Variants in CNTLN observed in about 807,000 individuals in gnomAD.
CNTLN encodes the protein centlein, centrosomal protein.
In CNTLN, 212 loss-of-function variants were observed where a neutral mutation model predicts 180.0. That is an observed-to-expected ratio of 1.18 (90% CI 1.05 to 1.32). The LOEUF is 1.32. Ranked by LOEUF, CNTLN falls within the 40% of genes most tolerant of loss-of-function variation. The pLI is 0.00. For synonymous variants in CNTLN, 722 were observed against 563.1 expected, an observed-to-expected ratio of 1.28 and a Z score of -3.99; for missense variants, 2,095 against 1,610.9, an observed-to-expected ratio of 1.30 and a Z score of -5.14.
chr9:17,463,070 C>G, intron 20 of CNTLN, 57 bp downstream of exon 20: 2 of 968,638 alleles, frequency 2.1e-6, no homozygotes, highest in Non-Finnish European at 1.6e-6. Flanking sequence ...GCAACCAGCT[C>G]TATTAAACGT....
intron 6 of CNTLN, among the ~76,000 whole-genome samples, chr9:17,284,102 A>C (rs1587484846): frequency 6.6e-6 from 1 of 151,572 alleles, no homozygotes; most frequent in African/African-American, 2.4e-5. Context: ...GCTCACTGCA[A>C]CCTCCACCTC....
intron 12 of CNTLN, among the ~76,000 whole-genome samples, chr9:17,346,167 G>A (rs972594350): frequency 6.6e-6 from 1 of 152,100 alleles, no homozygotes; most frequent in Non-Finnish European, 1.5e-5. Flanking sequence ...TTTTCGCATG[G>A]TGGCAGAGGA....
intron 15 of CNTLN, among the ~76,000 whole-genome samples, 169 bp from the exon 16 acceptor site, chr9:17,409,124 T>C (rs929084930): frequency 5.3e-5 from 8 of 152,196 alleles, no homozygotes; most frequent in African/African-American, 7.2e-5. Context: ...TTTTGTACAA[T>C]ATATTTAGAT....
chr9:17,196,146 C>T (rs1467861947), intron 2 of CNTLN, among the ~76,000 whole-genome samples: 1 of 152,124 alleles, frequency 6.6e-6, no homozygotes, highest in East Asian at 1.9e-4. Context: ...GGCTCAGCCT[C>T]CTAATTAGCT....
At chr9:17,334,096 G>A (rs1395103797) in intron 10 of CNTLN, among the ~76,000 whole-genome samples, 2 of 152,020 alleles carry the variant, frequency 1.3e-5, no homozygotes, top group Non-Finnish European at 2.9e-5. Flanking sequence ...GTCTTACTCT[G>A]TTGCCTAGGC....
intron 7 of CNTLN, 45 bp downstream of exon 7, chr9:17,298,397 A>G (rs753547694): frequency 4.8e-6 from 7 of 1,459,396 alleles, no homozygotes; most frequent in Non-Finnish European, 6.4e-6. Context: ...TTATGTATGA[A>G]CTTATGAACA....
At chr9:17,376,438 C>CT (rs996684132) in intron 13 of CNTLN, among the ~76,000 whole-genome samples, 171 of 150,662 alleles carry the variant, frequency 1.1e-3, no homozygotes, top group African/African-American at 4.0e-3. Flanking sequence ...TTTTCTTTTT[C>CT]TTTTTTTTAA....
At chr9:17,144,496 T>G (rs1467993470) in intron 2 of CNTLN, among the ~76,000 whole-genome samples, 4 of 152,122 alleles carry the variant, frequency 2.6e-5, no homozygotes, top group Non-Finnish European at 5.9e-5. Flanking sequence ...TCTCCTCTCC[T>G]TTTATTTGTT....
At chr9:17,462,044 T>C (rs1831481685) in intron 19 of CNTLN, among the ~76,000 whole-genome samples, 1 of 151,816 alleles carries the variant, frequency 6.6e-6, no homozygotes. Context: ...TAACTTCAAG[T>C]AAAGAAGGAT....
At chr9:17,164,661 C>T (rs908210560) in intron 2 of CNTLN, among the ~76,000 whole-genome samples, 12 of 150,334 alleles carry the variant, frequency 8.0e-5, no homozygotes, top group African/African-American at 1.2e-4. Context: ...TGGCCAGGCT[C>T]GTCTCGAATT....
chr9:17,267,873 G>T (rs1827605959), intron 5 of CNTLN, among the ~76,000 whole-genome samples: 1 of 152,066 alleles, frequency 6.6e-6, no homozygotes, highest in African/African-American at 2.4e-5. Flanking sequence ...CTTGTGCCTT[G>T]GTTTTCAGCT....
At chr9:17,205,525 A>G (rs891053854) in intron 2 of CNTLN, among the ~76,000 whole-genome samples, 1 of 152,114 alleles carries the variant, frequency 6.6e-6, no homozygotes, top group Non-Finnish European at 1.5e-5. Flanking sequence ...AATTCCTGTT[A>G]TGACTTGGGT....
intron 5 of CNTLN, among the ~76,000 whole-genome samples, chr9:17,241,008 G>A (rs1289931140): frequency 3.9e-5 from 6 of 152,028 alleles, no homozygotes; most frequent in African/African-American, 9.7e-5. Flanking sequence ...ACAGGCGCCC[G>A]GCACCACACC....
At chr9:17,514,966 C>T in the CNTLN span, among the ~76,000 whole-genome samples, 1 of 152,172 alleles carries the variant, frequency 6.6e-6, no homozygotes, top group East Asian at 1.9e-4. Flanking sequence ...CTAGAAGGAA[C>T]CTGGGTCCTA....
chr9:17,255,295 C>T (rs1826404252), intron 5 of CNTLN, among the ~76,000 whole-genome samples: 1 of 151,764 alleles, frequency 6.6e-6, no homozygotes, highest in Non-Finnish European at 1.5e-5. Flanking sequence ...TAGTCTTTCA[C>T]TATTGAGTAT....
chr9:17,490,048 C>A (rs958291740), intron 25 of CNTLN, among the ~76,000 whole-genome samples: 2 of 152,030 alleles, frequency 1.3e-5, no homozygotes, highest in Non-Finnish European at 2.9e-5. Flanking sequence ...ATGGGAGAAA[C>A]CACCAAAATT....
At chr9:17,270,389 A>G (rs1420336731) in intron 5 of CNTLN, among the ~76,000 whole-genome samples, 1 of 152,018 alleles carries the variant, frequency 6.6e-6, no homozygotes, top group East Asian at 1.9e-4. Flanking sequence ...TTTTTCCTTT[A>G]ATCTCTTAAT....
At chr9:17,346,368 C>T (rs1339049508) in intron 12 of CNTLN, among the ~76,000 whole-genome samples, 1 of 152,122 alleles carries the variant, frequency 6.6e-6, no homozygotes, top group East Asian at 1.9e-4. Flanking sequence ...CCCCGTGATC[C>T]AGTCACCTCC....
At chr9:17,238,490 A>C (rs1825291665) in intron 5 of CNTLN, among the ~76,000 whole-genome samples, 1 of 152,164 alleles carries the variant, frequency 6.6e-6, no homozygotes, top group Non-Finnish European at 1.5e-5. Context: ...TATGACCCTC[A>C]TTCAGAGAGG....
Sources: allele counts gnomAD v4.1 joint callset (sites outside exome capture counted in the v4.1 genomes callset), GRCh38; gene constraint gnomAD v4.1.1; transcripts MANE v1.5; gene names NCBI Gene and HGNC (gene_info 2026-07-23, HGNC 2026-07-21).